ASPM: variants seen among roughly 807,000 people sequenced by gnomAD.
ASPM encodes the protein assembly factor for spindle microtubules.
A neutral mutation model predicts 366.4 loss-of-function variants in ASPM; 256 were observed. The ratio of observed to expected loss-of-function variants is 0.70; its 90% CI spans 0.63 to 0.77. The LOEUF (loss-of-function observed/expected upper bound fraction) is 0.77, where lower values mean the gene tolerates loss of function less well. Ranked by LOEUF, ASPM falls within the 30% of genes least tolerant of loss-of-function variation. ASPM has a pLI of 0.00. For synonymous variants in ASPM, 1,414 were observed against 1,342.9 expected (o/e 1.05, Z -1.16); for missense variants, 4,146 against 4,090.4 (o/e 1.01, Z -0.37).
At chr1:197,089,670 A>G (rs112913501) in intron 25 of ASPM, among the ~76,000 whole-genome samples, 9 of 152,132 alleles carry the variant, frequency 5.9e-5, no homozygotes, top group African/African-American at 2.2e-4. Flanking sequence ...TGTAGTAAGT[A>G]CTTAATAACT....
intron 25 of ASPM, among the ~76,000 whole-genome samples, chr1:197,089,056 T>C (rs1486583231): frequency 6.6e-6 from 1 of 152,048 alleles, no homozygotes; most frequent in East Asian, 1.9e-4. Flanking sequence ...TATGTATTAA[T>C]GTGTATTAAC....
intron 19 of ASPM, among the ~76,000 whole-genome samples, chr1:197,095,165 T>C (rs1656930927): frequency 6.6e-6 from 1 of 151,782 alleles, no homozygotes; most frequent in Non-Finnish European, 1.5e-5. Flanking sequence ...AGTTGCCCTA[T>C]TGTGCTACTA....
At chr1:197,133,686 A>C in intron 5 of ASPM, 91 bp from the exon 6 acceptor site, 1 of 1,463,500 alleles carries the variant, frequency 6.8e-7, no homozygotes, top group Non-Finnish European at 9.4e-7. Flanking sequence ...TCAGACGGTA[A>C]AAACATAATC....
At chr1:197,138,014 T>C (rs1275042653) in intron 4 of ASPM, among the ~76,000 whole-genome samples, 1 of 152,064 alleles carries the variant, frequency 6.6e-6, no homozygotes, top group Non-Finnish European at 1.5e-5. Flanking sequence ...AAAAGGAAAA[T>C]AGGCCTATTA....
At chr1:197,129,388 T>C in intron 8 of ASPM, 71 bp from the exon 9 acceptor site, 1 of 1,500,218 alleles carries the variant, frequency 6.7e-7, no homozygotes, top group South Asian at 1.2e-5. Flanking sequence ...AATATGATAA[T>C]AATAATAATA....
At chr1:197,110,671 A>G (rs1446985086) in intron 17 of ASPM, among the ~76,000 whole-genome samples, 1 of 152,052 alleles carries the variant, frequency 6.6e-6, no homozygotes, top group Non-Finnish European at 1.5e-5. Flanking sequence ...CTACTGCTAC[A>G]GTGCGAGGCT....
Position 197,133,655 on chromosome 1 carries a change from A to T in ASPM, c.2174-60T>A, listed in dbSNP as rs1658333576. On this transcript the variant is annotated intron_variant, in intron 5 of 27. Transcript: ENST00000367409. The stretch of plus-strand genomic sequence containing the variant: ...AAACAATATCTCTACATATTCTTAA[A>T]TCCAGCAATAAAATGCAATTTCAGA... The T allele has an allele frequency of 1.3e-5, 21 of 1,570,628 alleles. 1 individual carries two copies. In the South Asian group the frequency reaches 2.3e-4, roughly 17 times the overall value.
Position 197,104,977 on chromosome 1 carries a change from A to G in ASPM, c.4274T>C (p.Leu1425Pro). The change falls in exon 18 of 28, where the codon CTT becomes CCT. Residue 1425 changes from leucine to proline, a missense_variant. Around this residue, in one of 3 missense-constraint regions of ASPM, gnomAD observed 3,624 missense variants for 3,591.7 expected, o/e 1.01. Transcript: ENST00000367409. ...QRYEMLKSST[L>P]IIQSMFRKWK... Reference sequence around the variant, plus strand: ...TTTTCTGAACATAGATTGGATTATAAGAGTTGATGATTTTAGCATTTCATA... The same window carrying G: ...TTTTCTGAACATAGATTGGATTATAGGAGTTGATGATTTTAGCATTTCATA... 1.2e-6 allele frequency: 2 copies of G among 1,611,778 alleles called. No individual in the cohort carries two copies. The highest frequency in any genetic ancestry group is 2.2e-5 in the South Asian group (2 of 90,762).
rs144504296 is a variant in ASPM, at chr1:197,101,086, T to C, written c.8165A>G (p.Tyr2722Cys). ...KTAIVVIQNY[Y>C]RLYVRVKTER... The stretch of plus-strand genomic sequence containing the variant: ...TGTTTTTACTCTAACATACAACCTA[T>C]AATAATTCTGTATAACCACAATTGC... The change falls in exon 18 of 28, where the codon TAT becomes TGT. Residue 2722 changes from tyrosine to cysteine, a missense_variant. By Grantham distance (194) the Tyr-to-Cys change is radical (BLOSUM62 -2). Around this residue, in one of 3 missense-constraint regions of ASPM, gnomAD observed 3,624 missense variants for 3,591.7 expected, o/e 1.01. Coordinates refer to ENST00000367409, the MANE Select transcript of ASPM (RefSeq NM_018136.5). 5.0e-6 allele frequency: 8 copies of C among 1,611,744 alleles called. No individual in the cohort carries two copies. The African/African-American group carries it at 6.7e-5, about 13-fold the overall frequency.
intron 8 of ASPM, 66 bp from the exon 9 acceptor site, chr1:197,129,383 G>GATA (rs773589707): frequency 2.1e-5 from 31 of 1,505,204 alleles, no homozygotes; most frequent in African/African-American, 1.1e-4. Context: ...CTTAAAATAT[G>GATA]ATAATAATAA....
At chr1:197,123,408 G>T (rs1342739013) in intron 13 of ASPM, among the ~76,000 whole-genome samples, 1 of 152,072 alleles carries the variant, frequency 6.6e-6, no homozygotes, top group African/African-American at 2.4e-5. Flanking sequence ...ACTAATTTTG[G>T]CATTAAAAAG....
intron 18 of ASPM, among the ~76,000 whole-genome samples, chr1:197,096,884 T>A (rs1015622851): frequency 4.6e-5 from 7 of 151,718 alleles, no homozygotes; most frequent in Non-Finnish European, 1.0e-4. Context: ...ATGGTTAAGA[T>A]CTCTGTTTTA....
Position 197,093,036 on chromosome 1 carries a change from A to G in ASPM, c.9294+16T>C, listed in dbSNP as rs2125089419. ...TCATTTTATAAGAATGAGATATGCT[A>G]CTTGAAAATACTTACTCTTTTTCGT... On this transcript the variant is annotated intron_variant, in intron 21 of 27. Transcript: ENST00000367409. 1 of 1,572,796 alleles carries G rather than the reference A, an allele frequency of 6.4e-7. No homozygotes were observed. Among genetic ancestry groups the G allele is most frequent in the Non-Finnish European group, 8.7e-7 (1 of 1,144,308 alleles).
intron 24 of ASPM, 26 bp from the exon 25 acceptor site, chr1:197,090,110 C>G (rs774490044): frequency 6.8e-6 from 11 of 1,612,800 alleles, no homozygotes; most frequent in Non-Finnish European, 9.3e-6. Flanking sequence ...AACACACACA[C>G]ACAGGTAAAT....
chr1:197,103,229 T>C lies in ASPM; in HGVS notation c.6022A>G (p.Ser2008Gly), dbSNP rs751315317. Residue 2008 changes from serine (S) to glycine (G), a missense_variant, in exon 18 of 28, where the codon AGT (serine) becomes GGT (glycine). Ser to Gly is a moderately conservative substitution (Grantham distance 56). This residue lies in a region of ASPM where 3,624 missense variants were observed against 3,591.7 expected (regional missense o/e 1.01). Coordinates refer to ENST00000367409, the MANE Select transcript of ASPM (RefSeq NM_018136.5). ...AAATGATTCTGTTCTCTTCCAATACTGTAAGCCCTATAATACTTTTGAATC... is the reference window on the plus strand; with the variant it reads ...AAATGATTCTGTTCTCTTCCAATACCGTAAGCCCTATAATACTTTTGAATC... The part of the protein sequence containing the change: ...LLIQKYYRAY[S>G]IGREQNHLYL... The C allele has an allele frequency of 1.3e-5, 21 of 1,612,776 alleles. No homozygotes were observed. The highest frequency in any genetic ancestry group is 1.6e-4 in the Middle Eastern group (1 of 6,072).
intron 17 of ASPM, among the ~76,000 whole-genome samples, chr1:197,107,034 T>A (rs1469808349): frequency 2.0e-5 from 3 of 152,004 alleles, no homozygotes; most frequent in Non-Finnish European, 4.4e-5. Context: ...ATGGGCGCAG[T>A]CATGGAAAGA....
rs769659035 is a variant in ASPM, at chr1:197,102,435, T to C, written c.6816A>G (p.Arg2272=). ...MHIAATLIQR[R]FRTLMMRRRF... ...TTCTTCTCATCATTAGAGTTCTAAA[T>C]CTCCTCTGAATGAGAGTTGCGGCTA... The change falls in exon 18 of 28, where the codon AGA becomes AGG. Residue 2272 remains arginine (R), a synonymous_variant. Coordinates refer to ENST00000367409, the MANE Select transcript of ASPM (RefSeq NM_018136.5). 4 of 1,612,498 alleles carry C rather than the reference T, an allele frequency of 2.5e-6. No homozygotes were observed. In the African/African-American group the frequency reaches 4.0e-5, roughly 16 times the overall value.
chr1:197,132,576 A>G (rs1658293572), intron 6 of ASPM, among the ~76,000 whole-genome samples: 1 of 152,070 alleles, frequency 6.6e-6, no homozygotes, highest in Non-Finnish European at 1.5e-5. Context: ...TTGAAATACA[A>G]AATCTCTTGG....
intron 27 of ASPM, 81 bp downstream of exon 27, chr1:197,086,722 T>C: frequency 8.3e-7 from 1 of 1,209,560 alleles, no homozygotes; most frequent in East Asian, 2.3e-5. Context: ...ACATCTTGTT[T>C]ATGGTAAGTG....
Sources: gnomAD v4.1 joint callset for allele counts (sites outside exome capture counted in the v4.1 genomes callset) on GRCh38, gnomAD v4.1.1 for gene constraint, gnomAD v4.1.1 regional missense constraint, MANE v1.5 for transcripts, NCBI Gene and HGNC (gene_info 2026-07-23, HGNC 2026-07-21) for gene names.